Variants in PSMB10 observed in about 807,000 individuals in gnomAD.
The protein encoded by PSMB10 is proteasome subunit beta type-10.
In PSMB10, 29 loss-of-function variants were observed where a neutral mutation model predicts 29.8. The observed-to-expected ratio is 0.97, with a 90% confidence interval of 0.73 to 1.33. The LOEUF (loss-of-function observed/expected upper bound fraction) is 1.33, where lower values mean the gene tolerates loss of function less well. PSMB10 is among the 40% of genes most tolerant of loss of function. PSMB10 has a pLI of 0.00. For synonymous variants in PSMB10, 157 were observed against 164.7 expected (o/e 0.95, Z 0.36); for missense variants, 327 against 369.2 (o/e 0.89, Z 0.94).
In PSMB10 at chr16:67,936,247, G is replaced by T. The variant is rs769322530; in HGVS notation, c.210C>A (p.Cys70Ter). The T allele has an allele frequency of 6.2e-7, 1 of 1,614,008 alleles. No homozygotes were observed. Among genetic ancestry groups the T allele is most frequent in the Non-Finnish European group, 8.5e-7 (1 of 1,179,960 alleles). The change falls in exon 3 of 8, where the codon TGC becomes TGA. Residue 70 changes from cysteine (C) to a stop codon, truncating the protein, a stop_gained. Transcript: ENST00000358514. LOFTEE classifies it high-confidence loss of function. ...TNDSVVADKS[C>*]EKIHFIAPKI... ...TGGGGGCGATGAAGTGGATCTTCTC[G>T]CAGCTCTTGTCCGCCACGACCGAAT...
intron 4 of PSMB10, 64 bp downstream of exon 4, chr16:67,935,899 G>A (rs1449984155): frequency 1.9e-6 from 3 of 1,566,742 alleles, no homozygotes; most frequent in Admixed American, 1.8e-5. Context: ...TTTCTGTCCC[G>A]CCTTCCAATG....
chr16:67,936,521 G>T, intron 1 of PSMB10, 36 bp from the exon 2 acceptor site: 2 of 1,578,092 alleles, frequency 1.3e-6, no homozygotes, highest in Admixed American at 1.7e-5. Context: ...TTTCGGCTCT[G>T]CTTTCAAGAC....
intron 2 of PSMB10, 41 bp from the exon 3 acceptor site, chr16:67,936,353 T>TA: frequency 6.2e-7 from 1 of 1,610,934 alleles, no homozygotes; most frequent in Non-Finnish European, 8.5e-7. Flanking sequence ...GCCTGCTCGA[T>TA]ACTCTCGGCT....
chr16:67,936,015 G>C lies in PSMB10; in HGVS notation c.331C>G (p.Arg111Gly). The change falls in exon 4 of 8, where the codon CGC becomes GGC. Residue 111 changes from arginine to glycine, a missense_variant. By Grantham distance (125) the Arg-to-Gly change is moderately radical. Transcript: ENST00000358514. The stretch of plus-strand genomic sequence containing the variant: ...GTGACCGTGGCCACGCGGGGCTCGC[G>C]GCCCGTAGATAACGCGTGTAGCTCC... ...KMELHALSTGREPRVATVTRI... is the reference protein window; with the variant it reads ...KMELHALSTGGEPRVATVTRI... 1 of 1,612,440 alleles carries C rather than the reference G, an allele frequency of 6.2e-7. No homozygotes were observed. Among genetic ancestry groups the C allele is most frequent in the Non-Finnish European group, 8.5e-7 (1 of 1,179,312 alleles).
chr16:67,935,958 C>G lies in PSMB10; in HGVS notation c.383+5G>C. ...GCCGGGGTCCTGTTAGCCCTGCCCC[C>G]GCACCTGAAGAGCGTCTGGCGCAGG... On this transcript the variant is annotated splice_donor_5th_base_variant and intron_variant, in intron 4 of 7. Coordinates refer to ENST00000358514, the MANE Select transcript of PSMB10 (RefSeq NM_002801.4). 6.2e-7 allele frequency: 1 copy of G among 1,606,368 alleles called. No homozygotes were observed.
chr16:67,935,831 C>G (rs2058261005), intron 4 of PSMB10, 132 bp downstream of exon 4: 1 of 1,481,860 alleles, frequency 6.7e-7, no homozygotes, highest in Admixed American at 2.1e-5. Context: ...TTCCTGTAGC[C>G]CAGGTTCTCT....
chr16:67,936,665 A>G (rs2058265516), intron 1 of PSMB10, 29 bp downstream of exon 1: 5 of 1,544,074 alleles, frequency 3.2e-6, no homozygotes. Flanking sequence ...GCGGCTCAGG[A>G]GTGACCGCCC....
chr16:67,936,008 G>A lies in PSMB10; in HGVS notation c.338C>T (p.Pro113Leu). The change falls in exon 4 of 8, where the codon CCC (proline) becomes CTC (leucine). Residue 113 changes from proline (P) to leucine (L), a missense_variant. Pro to Leu is a moderately conservative substitution (Grantham distance 98, BLOSUM62 -3). Transcript: ENST00000358514. ...ELHALSTGRE[P>L]RVATVTRILR... ...GATGCGAGTGACCGTGGCCACGCGG[G>A]GCTCGCGGCCCGTAGATAACGCGTG... 3 of 1,612,428 alleles carry A rather than the reference G, an allele frequency of 1.9e-6. No individual in the cohort carries two copies. The highest frequency in any genetic ancestry group is 2.5e-6 in the Non-Finnish European group (3 of 1,179,320).
Position 67,936,196 on chromosome 16 carries a change from C to G in PSMB10, c.242+19G>C. 2 of 1,613,242 alleles carry G rather than the reference C, an allele frequency of 1.2e-6. No individual in the cohort carries two copies. Among genetic ancestry groups the G allele is most frequent in the Non-Finnish European group, 1.7e-6 (2 of 1,179,276 alleles). On this transcript the variant is annotated intron_variant, in intron 3 of 7. Transcript: ENST00000358514. ...GGCCGTTCTTTTTTGCGTACGGGAA[C>G]TGGGCTCGGGAGTCTCACTAGATTT...
chr16:67,936,147 C>G (rs769217333), intron 3 of PSMB10, 44 bp from the exon 4 acceptor site: 8 of 1,608,476 alleles, frequency 5.0e-6, no homozygotes, highest in Non-Finnish European at 6.0e-6. Flanking sequence ...CTGGGACGTG[C>G]GGGGACCGGA....
In PSMB10 at chr16:67,936,674, C is replaced by G. The variant is rs2151318710; in HGVS notation, c.56+20G>C. On this transcript the variant is annotated intron_variant, in intron 1 of 7. Transcript: ENST00000358514. ...GCAGAGGCGGCTCAGGAGTGACCGC[C>G]CCCCGCGCCCCCGCTTCACCTTTGG... 4 of 1,547,968 alleles carry G rather than the reference C, an allele frequency of 2.6e-6. No individual in the cohort carries two copies. Among genetic ancestry groups the G allele is most frequent in the Middle Eastern group, 1.7e-4 (1 of 5,966 alleles).
intron 4 of PSMB10, 96 bp from the exon 5 acceptor site, chr16:67,935,793 G>A: frequency 4.7e-6 from 7 of 1,497,174 alleles, no homozygotes; most frequent in South Asian, 1.2e-5. Flanking sequence ...CTTCCTGTGG[G>A]CTGGCGCCCG....
Position 67,936,709 on chromosome 16 carries a change from AAGG to A in PSMB10, c.38_40del (p.Ser13del), listed in dbSNP as rs2058265867. ...CCCGCTTCACCTTTGGCAGTTCTCG[AAGG>A]AGAAGCCCCCTCGGGGCTCCAGGGC... is the stretch of plus-strand genomic sequence containing the variant. On this transcript the variant is annotated inframe_deletion, in exon 1 of 8. Coordinates refer to ENST00000358514, the MANE Select transcript of PSMB10 (RefSeq NM_002801.4). 5 of 1,556,382 alleles carry A rather than the reference AAGG, an allele frequency of 3.2e-6. No individual in the cohort carries two copies. Among genetic ancestry groups the A allele is most frequent in the Non-Finnish European group, 4.3e-6 (5 of 1,149,648 alleles).
intron 4 of PSMB10, 88 bp downstream of exon 4, chr16:67,935,875 C>T (rs2058261178): frequency 2.6e-6 from 4 of 1,538,310 alleles, no homozygotes; most frequent in South Asian, 1.2e-5. Context: ...TGGCCCGTCG[C>T]GGTCCCGCCC....
At position 67,934,896 on chromosome 16, in the gene PSMB10, C is replaced by T. The variant is rs771270194; in HGVS notation, c.611G>A (p.Gly204Asp). Residue 204 changes from glycine to aspartate, a missense_variant, in exon 7 of 8, where the codon GGT becomes GAT. Coordinates refer to ENST00000358514, the MANE Select transcript of PSMB10 (RefSeq NM_002801.4). This position sits in a 1 kb window ranked among gnomAD's most constrained non-coding sequence, Gnocchi z 4.3. ...CACATTGCCCCCGGAGCCCAGGTCA[C>T]CCAAGATCCCGGCGGTGACGGCTTC... ...LVEAVTAGIL[G>D]DLGSGGNVDA... is the part of the protein sequence containing the mutation. 2 of 1,613,788 alleles carry T rather than the reference C, an allele frequency of 1.2e-6. No individual in the cohort carries two copies. Among genetic ancestry groups the T allele is most frequent in the East Asian group, 4.5e-5 (2 of 44,880 alleles).
chr16:67,935,077 T>A, intron 6 of PSMB10, 129 bp from the exon 7 acceptor site: 1 of 1,281,640 alleles, frequency 7.8e-7, no homozygotes, highest in Non-Finnish European at 1.1e-6. Flanking sequence ...TTTCTCCCTC[T>A]GAGCCTTAGC....
At chr16:67,936,627 C>G in intron 1 of PSMB10, 67 bp downstream of exon 1, 1 of 1,489,600 alleles carries the variant, frequency 6.7e-7, no homozygotes, top group Non-Finnish European at 9.0e-7. Flanking sequence ...CACCCCCAGC[C>G]AGGAAAAAAG....
Position 67,936,502 on chromosome 16 carries a change from G to A in PSMB10, c.57-17C>T. On this transcript the variant is annotated splice_polypyrimidine_tract_variant and intron_variant, in intron 1 of 7. Coordinates refer to ENST00000358514, the MANE Select transcript of PSMB10 (RefSeq NM_002801.4). ...GATGCATTTCTGGAAACGGAGGAGG[G>A]CGCCCATGTTTCGGCTCTGCTTTCA... The A allele has an allele frequency of 6.2e-7, 1 of 1,606,642 alleles. No homozygotes were observed. The highest frequency in any genetic ancestry group is 8.5e-7 in the Non-Finnish European group (1 of 1,175,792).
In PSMB10 at chr16:67,934,739, C is replaced by A; in HGVS notation, c.710+58G>T. ...GTGGCCCATCCCCTTTTTGCAGCCC[C>A]CTATCTCCCCTGCTATAGCCCCACA... is the stretch of plus-strand genomic sequence containing the variant. On this transcript the variant is annotated intron_variant, in intron 7 of 7. Coordinates refer to ENST00000358514, the MANE Select transcript of PSMB10 (RefSeq NM_002801.4). This position sits in a 1 kb window ranked among gnomAD's most constrained non-coding sequence, Gnocchi z 4.3. 6.2e-7 allele frequency: 1 copy of A among 1,610,356 alleles called. No individual in the cohort carries two copies. The highest frequency in any genetic ancestry group is 1.1e-5 in the South Asian group (1 of 91,034).
Sources: gnomAD v4.1 joint callset for allele counts on GRCh38, gnomAD v4.1.1 for gene constraint, Gnocchi (gnomAD v3.1) non-coding constraint, MANE v1.5 for transcripts, NCBI Gene and HGNC (gene_info 2026-07-23, HGNC 2026-07-21) for gene names.